The following PDE4D variants were observed in gnomAD, a reference collection of about 807,000 sequenced individuals.
PDE4D encodes the protein 3',5'-cyclic-AMP phosphodiesterase 4D.
A neutral mutation model predicts 87.4 loss-of-function variants in PDE4D; 24 were observed. The ratio of observed to expected loss-of-function variants is 0.27; its 90% confidence interval spans 0.20 to 0.39. The LOEUF (loss-of-function observed/expected upper bound fraction) is 0.39, where lower values mean the gene tolerates loss of function less well. Among genes scored for constraint, PDE4D ranks in the 10% least tolerant of loss-of-function variants. The pLI, the probability that PDE4D is intolerant of heterozygous loss-of-function variation, is 1.00. For missense variants in PDE4D, 714 were observed against 1,041.0 expected, an observed-to-expected ratio of 0.69 and a Z score of 4.32; for synonymous variants, 384 against 383.2, an observed-to-expected ratio of 1.00 and a Z score of -0.02.
At position 59,193,759 on chromosome 5, in the gene PDE4D, G is replaced by C. The variant is rs143114857; in HGVS notation, c.648-223C>G. On this transcript the variant is annotated intron_variant, in intron 2 of 14. Coordinates refer to ENST00000340635, the MANE Select transcript of PDE4D (RefSeq NM_001104631.2). ...CCCTGGGTAAAAAGAGGGGCTTCTT[G>C]ATCATCAGCCAGGGTCACTGTTGCT... 92 of 985,372 alleles carry C rather than the reference G, an allele frequency of 9.3e-5. No individual in the cohort carries two copies. In the African/African-American group the frequency reaches 1.4e-3, roughly 15 times the overall value. The allele number at this position is 985,372 out of a possible 1,614,324, so 61.0% of individuals were successfully genotyped here.
intron 1 of PDE4D, among the ~76,000 whole-genome samples, chr5:60,457,769 G>A (rs551506912): frequency 1.2e-4 from 18 of 152,254 alleles, no homozygotes; most frequent in African/African-American, 3.4e-4. Flanking sequence ...TCTCAATGCC[G>A]TCTGTAAGAT....
intron 1 of PDE4D, among the ~76,000 whole-genome samples, chr5:60,381,804 G>T (rs1761881169): frequency 6.6e-6 from 1 of 152,104 alleles, no homozygotes; most frequent in Admixed American, 6.6e-5. Context: ...GCCCAGAATG[G>T]GAATATAGTT....
chr5:59,459,712 C>T (rs919686908), intron 1 of PDE4D, among the ~76,000 whole-genome samples: 1 of 152,190 alleles, frequency 6.6e-6, no homozygotes, highest in Non-Finnish European at 1.5e-5. Flanking sequence ...GAGGCATCCA[C>T]TTAATTTACT....
chr5:59,634,649 C>T (rs772260406), intron 1 of PDE4D, among the ~76,000 whole-genome samples: 16 of 152,210 alleles, frequency 1.1e-4, no homozygotes, highest in Non-Finnish European at 1.8e-4. Context: ...GGGTGAATAA[C>T]GAAACAAAGG....
chr5:59,200,678 C>T (rs188170059), intron 2 of PDE4D, among the ~76,000 whole-genome samples: 21 of 104,588 alleles, frequency 2.0e-4, no homozygotes, highest in African/African-American at 8.8e-4. Context: ...TATAGATACA[C>T]GTATACATAC....
intron 1 of PDE4D, among the ~76,000 whole-genome samples, chr5:59,246,741 C>T (rs1042211649): frequency 1.3e-5 from 2 of 152,158 alleles, no homozygotes; most frequent in Non-Finnish European, 2.9e-5. Flanking sequence ...TGCCAACATA[C>T]TACTGAAAAG....
At chr5:60,181,366 C>T (rs1433638642) in intron 2 of PDE4D, among the ~76,000 whole-genome samples, 3 of 152,162 alleles carry the variant, frequency 2.0e-5, no homozygotes, top group South Asian at 4.1e-4. Flanking sequence ...AAAAATTTCA[C>T]CAGATGGGCT....
intron 1 of PDE4D, among the ~76,000 whole-genome samples, chr5:59,374,057 C>A (rs1040757989): frequency 6.6e-6 from 1 of 152,136 alleles, no homozygotes; most frequent in African/African-American, 2.4e-5. Context: ...AGACCATTAC[C>A]AGACACTACA....
At chr5:59,415,780 A>G (rs192056283) in intron 1 of PDE4D, among the ~76,000 whole-genome samples, 40 of 152,346 alleles carry the variant, frequency 2.6e-4, no homozygotes, top group Admixed American at 1.3e-3. Context: ...TTACAAGTTA[A>G]AATAATCTGA....
chr5:59,940,239 C>T (rs1233186055), intron 3 of PDE4D, among the ~76,000 whole-genome samples: 5 of 152,136 alleles, frequency 3.3e-5, no homozygotes, highest in Non-Finnish European at 5.9e-5. Context: ...ACAGGAGTTT[C>T]GGTTTCTTTC....
intron 1 of PDE4D, among the ~76,000 whole-genome samples, chr5:59,374,215 T>G (rs1450096201): frequency 1.3e-5 from 2 of 152,104 alleles, no homozygotes; most frequent in Non-Finnish European, 1.5e-5. Flanking sequence ...ATGCCTCAAT[T>G]AAAAGACACA....
intron 1 of PDE4D, among the ~76,000 whole-genome samples, chr5:59,574,092 AT>A (rs1161725432): frequency 9.8e-3 from 26 of 2,666 alleles, no homozygotes; most frequent in African/African-American, 0.022. Context: ...ATTTATATAT[AT>A]AAATATATAT....
At position 60,245,560 on chromosome 5, in the gene PDE4D, G is replaced by A. The variant is rs145803111; in HGVS notation, c.-89-59873C>T. Among the ~76,000 whole-genome samples the A allele has an allele frequency of 1.5e-3, 232 of 151,914 alleles. 2 individuals carry two copies. Among genetic ancestry groups the A allele is most frequent in the African/African-American group, 5.2e-3 (217 of 41,500 alleles). On this transcript the variant is annotated intron_variant, in intron 1 of 16. Coordinates refer to the PDE4D transcript ENST00000502484. ...TAGCAGATTAATGGATAAAGAAAAC[G>A]GGTTACATATACAAAATGGAGTATT...
intron 2 of PDE4D, among the ~76,000 whole-genome samples, chr5:59,201,032 C>T (rs998724837): frequency 4.6e-5 from 7 of 151,956 alleles, no homozygotes; most frequent in East Asian, 1.9e-4. Flanking sequence ...AATCTATATT[C>T]GGTAATCTCT....
chr5:60,221,469 C>T (rs1205048664), intron 1 of PDE4D, among the ~76,000 whole-genome samples: 1 of 151,558 alleles, frequency 6.6e-6, no homozygotes, highest in African/African-American at 2.4e-5. Flanking sequence ...TTTCATGTTC[C>T]TTGGATTATG....
At chr5:60,144,120 G>A (rs1038208798) in intron 2 of PDE4D, among the ~76,000 whole-genome samples, 2 of 152,160 alleles carry the variant, frequency 1.3e-5, no homozygotes, top group African/African-American at 4.8e-5. Context: ...CCTCCCAGCG[G>A]CAGCGGTGAC....
chr5:59,981,039 G>A (rs770888190), intron 3 of PDE4D, among the ~76,000 whole-genome samples: 2 of 151,984 alleles, frequency 1.3e-5, no homozygotes, highest in Non-Finnish European at 2.9e-5. Context: ...ATTTCATAAG[G>A]CCAGGAGTTT....
At chr5:58,993,891 A>G (rs1748531648) in intron 6 of PDE4D, among the ~76,000 whole-genome samples, 1 of 152,166 alleles carries the variant, frequency 6.6e-6, no homozygotes, top group Admixed American at 6.5e-5. Flanking sequence ...TATTTAGAGA[A>G]GAGAGAAACT....
intron 5 of PDE4D, among the ~76,000 whole-genome samples, chr5:59,166,636 A>T (rs1781963670): frequency 6.6e-6 from 1 of 152,230 alleles, no homozygotes; most frequent in Non-Finnish European, 1.5e-5. Context: ...AATTGCCTTA[A>T]AAGTCCATGT....
Sources: allele counts gnomAD v4.1 joint callset (sites outside exome capture counted in the v4.1 genomes callset), GRCh38; gene constraint gnomAD v4.1.1; transcripts MANE v1.5; gene names NCBI Gene and HGNC (gene_info 2026-07-23, HGNC 2026-07-21).